Variants in TCF7L1 observed in about 807,000 individuals in gnomAD.
TCF7L1 encodes transcription factor 7-like 1.
Under a neutral mutation model 63.7 loss-of-function variants are expected in TCF7L1, and 18 were observed. The ratio of observed to expected loss-of-function variants is 0.28; its 90% confidence interval spans 0.20 to 0.42. The LOEUF is 0.42. TCF7L1 is among the 10% of genes least tolerant of loss of function. TCF7L1 has a pLI of 1.00. For synonymous variants in TCF7L1, 355 were observed against 340.9 expected, an observed-to-expected ratio of 1.04 and a Z score of -0.46; for missense variants, 654 against 779.3, an observed-to-expected ratio of 0.84 and a Z score of 1.91.
chr2:85,156,747 C>T lies in TCF7L1; in HGVS notation c.441+22297C>T, dbSNP rs371670746. ...CTTACCTCTTCACTGTATCAAAGTTCGCATCTTATTATTCTGTGTGTGTAT... is the reference window on the plus strand; with the variant it reads ...CTTACCTCTTCACTGTATCAAAGTTTGCATCTTATTATTCTGTGTGTGTAT... On this transcript the variant is annotated intron_variant, in intron 3 of 11. Coordinates refer to ENST00000282111, the MANE Select transcript of TCF7L1 (RefSeq NM_031283.3). 2.9e-4 allele frequency among the ~76,000 whole-genome samples: 44 copies of T among 152,314 alleles called. No individual in the cohort carries two copies. The East Asian group carries it at 6.7e-3, about 23-fold the overall frequency.
At chr2:85,302,374 A>G in intron 4 of TCF7L1, 110 bp from the exon 5 acceptor site, 1 of 1,473,882 alleles carries the variant, frequency 6.8e-7, no homozygotes, top group African/African-American at 1.4e-5. Context: ...TGAGGACTGA[A>G]TGGGATGTTG....
Position 85,240,316 on chromosome 2 carries a change from G to A in TCF7L1, c.442-43179G>A, listed in dbSNP as rs78287794. On this transcript the variant is annotated intron_variant, in intron 3 of 11. Coordinates refer to ENST00000282111, the MANE Select transcript of TCF7L1 (RefSeq NM_031283.3). Reference sequence around the variant, plus strand: ...GTTGTGAACACAGAGGAAGCCGGGGGACTGCTGTGGAGATGAAGGATGTTT... The same window carrying A: ...GTTGTGAACACAGAGGAAGCCGGGGAACTGCTGTGGAGATGAAGGATGTTT... 2.7e-3 allele frequency among the ~76,000 whole-genome samples: 409 copies of A among 152,342 alleles called. 5 individuals are homozygous for A. Among genetic ancestry groups the A allele is most frequent in the African/African-American group, 9.2e-3 (381 of 41,586 alleles).
intron 3 of TCF7L1, among the ~76,000 whole-genome samples, chr2:85,156,876 GT>G (rs1413585697): frequency 6.6e-6 from 1 of 151,858 alleles, no homozygotes; most frequent in Non-Finnish European, 1.5e-5. Flanking sequence ...AGATATTTTG[GT>G]TAGAAATATT....
At chr2:85,193,287 C>T (rs970931746) in intron 3 of TCF7L1, among the ~76,000 whole-genome samples, 3 of 152,160 alleles carry the variant, frequency 2.0e-5, no homozygotes, top group African/African-American at 7.2e-5. Context: ...GCTGAGGAGC[C>T]AAAGTCTCAG....
rs371652911 is a variant in TCF7L1 at position 85,305,396 on chromosome 2, G to A, written c.982G>A (p.Val328Met). The change falls in exon 8 of 12, where the codon GTG (valine) becomes ATG (methionine). Residue 328 changes from valine to methionine, a missense_variant. Transcript: ENST00000282111. ...GGCACCCCCCAGCCTGAGCCCTGCA[G>A]TGAGCGTGTAAGTAAGCGGCAGCCT... is the stretch of plus-strand genomic sequence containing the variant. ...EPAPPSLSPA[V>M]SVKSPVTVKK... The A allele has an allele frequency of 6.2e-7, 1 of 1,610,756 alleles. No individual in the cohort carries two copies. Among genetic ancestry groups the A allele is most frequent in the African/African-American group, 1.3e-5 (1 of 74,974 alleles).
intron 11 of TCF7L1, among the ~76,000 whole-genome samples, chr2:85,308,441 CT>C (rs1437899927): frequency 1.9e-4 from 16 of 84,786 alleles, no homozygotes; most frequent in African/African-American, 7.1e-4. Context: ...TTCTCCCTCC[CT>C]TTCTCTTTCC....
rs745575951 is a variant in TCF7L1, at chr2:85,283,500, G to A, written c.447G>A (p.Leu149=). 1 of 1,614,114 alleles carries A rather than the reference G, an allele frequency of 6.2e-7. No individual in the cohort carries two copies. Among genetic ancestry groups the A allele is most frequent in the Non-Finnish European group, 8.5e-7 (1 of 1,180,008 alleles). ...PLSPGGARTY[L]QMKWPLLDVP... ...CTTTTCTGTTCCCTGTGCAGTACCT[G>A]CAGATGAAATGGCCCCTCCTCGATG... Residue 149 remains leucine (L), a synonymous_variant, in exon 4 of 12, where the codon CTG becomes CTA. Coordinates refer to ENST00000282111, the MANE Select transcript of TCF7L1 (RefSeq NM_031283.3).
intron 3 of TCF7L1, among the ~76,000 whole-genome samples, chr2:85,237,284 G>A (rs1558642404): frequency 1.3e-5 from 2 of 152,168 alleles, no homozygotes; most frequent in Non-Finnish European, 1.5e-5. Context: ...TTTGGACTGA[G>A]AAGGATGCAG....
At position 85,134,225 on chromosome 2, in the gene TCF7L1, G is replaced by C; in HGVS notation, c.314-98G>C. ...CGGCAGCCCCCGTGGGGCGCGCGTGGGGGGCGCTGGGGTCCCCAGCTCCCG... is the reference window on the plus strand; with the variant it reads ...CGGCAGCCCCCGTGGGGCGCGCGTGCGGGGCGCTGGGGTCCCCAGCTCCCG... On this transcript the variant is annotated intron_variant, in intron 2 of 11. Transcript: ENST00000282111. This position sits in a 1 kb window ranked among gnomAD's most constrained non-coding sequence, Gnocchi z 5.0. 11 of 1,473,446 alleles carry C rather than the reference G, an allele frequency of 7.5e-6. No individual in the cohort carries two copies. In the South Asian group the frequency reaches 1.5e-4, roughly 21 times the overall value. The allele number at this position is 1,473,446 out of a possible 1,614,324, so 91.3% of individuals were successfully genotyped here.
At chr2:85,287,845 C>T (rs1338570211) in intron 4 of TCF7L1, among the ~76,000 whole-genome samples, 4 of 152,134 alleles carry the variant, frequency 2.6e-5, no homozygotes, top group Admixed American at 2.6e-4. Context: ...CTGTATAATA[C>T]ACTTGGTTGC....
At chr2:85,277,055 G>A (rs929972674) in intron 3 of TCF7L1, among the ~76,000 whole-genome samples, 1 of 152,086 alleles carries the variant, frequency 6.6e-6, no homozygotes, top group African/African-American at 2.4e-5. Context: ...AGGACTCTGT[G>A]CAGCTGGGGT....
chr2:85,153,049 A>G (rs977231190), intron 3 of TCF7L1, among the ~76,000 whole-genome samples: 6 of 152,244 alleles, frequency 3.9e-5, no homozygotes, highest in Admixed American at 6.5e-5. Context: ...ACATTGCTAC[A>G]TGGATGGGAT....
Position 85,306,426 on chromosome 2 carries a change from G to C in TCF7L1, c.1150-26G>C. On this transcript the variant is annotated intron_variant, in intron 9 of 11. Transcript: ENST00000282111. This position sits in a 1 kb window ranked among gnomAD's most constrained non-coding sequence, Gnocchi z 4.3. Reference sequence around the variant, plus strand: ...AGCGTCCCTGCATTGATGGCTCCGTGTGGTCTCTGACCCTCTCTCCCCCAG... The same window carrying C: ...AGCGTCCCTGCATTGATGGCTCCGTCTGGTCTCTGACCCTCTCTCCCCCAG... The C allele has an allele frequency of 6.2e-7, 1 of 1,613,972 alleles. No individual in the cohort carries two copies. Among genetic ancestry groups the C allele is most frequent in the Non-Finnish European group, 8.5e-7 (1 of 1,179,840 alleles).
chr2:85,300,057 A>T (rs1681935183), intron 4 of TCF7L1, among the ~76,000 whole-genome samples: 1 of 152,134 alleles, frequency 6.6e-6, no homozygotes, highest in Non-Finnish European at 1.5e-5. Flanking sequence ...TTCATAGTAT[A>T]TTTTTTTAAG....
At chr2:85,279,294 C>G (rs566074166) in intron 3 of TCF7L1, among the ~76,000 whole-genome samples, 1 of 152,224 alleles carries the variant, frequency 6.6e-6, no homozygotes, top group African/African-American at 2.4e-5. Flanking sequence ...CATGGTGGCT[C>G]ACACCTGTAA....
chr2:85,137,576 C>CT (rs1677623162), intron 3 of TCF7L1, among the ~76,000 whole-genome samples: 1 of 152,156 alleles, frequency 6.6e-6, no homozygotes, highest in Non-Finnish European at 1.5e-5. Flanking sequence ...TACTTTGGGG[C>CT]TGTTGCCTAG....
At chr2:85,195,874 A>AT (rs1243448054) in intron 3 of TCF7L1, among the ~76,000 whole-genome samples, 1 of 152,154 alleles carries the variant, frequency 6.6e-6, no homozygotes, top group Non-Finnish European at 1.5e-5. Flanking sequence ...AACCATAAAA[A>AT]GAGTCCTACT....
chr2:85,201,417 C>T (rs1679270448), intron 3 of TCF7L1, among the ~76,000 whole-genome samples: 1 of 152,164 alleles, frequency 6.6e-6, no homozygotes, highest in Non-Finnish European at 1.5e-5. Flanking sequence ...ATAAAATAGA[C>T]TAGTATCTAC....
intron 3 of TCF7L1, among the ~76,000 whole-genome samples, chr2:85,150,323 T>A (rs1677979101): frequency 6.6e-6 from 1 of 151,058 alleles, no homozygotes. Context: ...AACCTCCACC[T>A]CCCGGGTTCA....
Sources: gnomAD v4.1 joint callset for allele counts (sites outside exome capture counted in the v4.1 genomes callset) on GRCh38, gnomAD v4.1.1 for gene constraint, Gnocchi (gnomAD v3.1) non-coding constraint, MANE v1.5 for transcripts, NCBI Gene and HGNC (gene_info 2026-07-23, HGNC 2026-07-21) for gene names.